MGMT: variants seen among roughly 807,000 people sequenced by gnomAD.
MGMT encodes O-6-methylguanine-DNA methyltransferase.
A neutral mutation model predicts 15.9 loss-of-function variants in MGMT; 14 were observed. The observed-to-expected ratio is 0.88, with a 90% CI of 0.58 to 1.37. The LOEUF (loss-of-function observed/expected upper bound fraction) is 1.37, where lower values mean the gene tolerates loss of function less well. MGMT is among the 40% of genes most tolerant of loss of function. The probability of loss-of-function intolerance (pLI) is 0.00; values close to 1 mark genes in which losing one functional copy is unlikely to be tolerated. For synonymous variants in MGMT, 130 were observed against 118.2 expected, an observed-to-expected ratio of 1.10 and a Z score of -0.65; for missense variants, 282 against 268.1, an observed-to-expected ratio of 1.05 and a Z score of -0.36.
At chr10:129,682,134 C>T (rs942211101) in intron 2 of MGMT, among the ~76,000 whole-genome samples, 1 of 152,098 alleles carries the variant, frequency 6.6e-6, no homozygotes. Flanking sequence ...GGAAGTTGTA[C>T]TTCTGCTCTT....
chr10:129,597,658 G>A (rs1564863921), intron 2 of MGMT, among the ~76,000 whole-genome samples: 1 of 152,140 alleles, frequency 6.6e-6, no homozygotes, highest in East Asian at 1.9e-4. Context: ...AACAGCCATG[G>A]GCTAGATCTT....
At chr10:129,520,195 G>A (rs1420326480) in intron 1 of MGMT, among the ~76,000 whole-genome samples, 1 of 152,106 alleles carries the variant, frequency 6.6e-6, no homozygotes, top group Non-Finnish European at 1.5e-5. Flanking sequence ...GATCAGGATG[G>A]CAAATGTTTC....
At chr10:129,528,643 T>C (rs2027136) in intron 1 of MGMT, among the ~76,000 whole-genome samples, 37,459 of 151,610 alleles carry the variant, frequency 0.25, 5,534 homozygotes, top group African/African-American at 0.42. Context: ...GTGTGGAGAC[T>C]AGCCATGGAG....
intron 2 of MGMT, among the ~76,000 whole-genome samples, chr10:129,602,209 T>C (rs972135279): frequency 2.0e-5 from 3 of 151,386 alleles, no homozygotes; most frequent in African/African-American, 7.3e-5. Flanking sequence ...TTTTTATTGC[T>C]TTTTTTTTAA....
At chr10:129,626,363 C>A (rs370677003) in intron 2 of MGMT, among the ~76,000 whole-genome samples, 1 of 152,160 alleles carries the variant, frequency 6.6e-6, no homozygotes, top group Non-Finnish European at 1.5e-5. Context: ...GAACACCACC[C>A]GTGTGAACAG....
chr10:129,643,024 T>A lies in MGMT; in HGVS notation c.126-64871T>A, dbSNP rs146992618. 5.7e-4 allele frequency among the ~76,000 whole-genome samples: 87 copies of A among 152,178 alleles called. 1 individual carries two copies. The East Asian group carries it at 0.014, about 24-fold the overall frequency. On this transcript the variant is annotated intron_variant, in intron 2 of 4. Transcript: ENST00000651593. ...GTAGAGAAGGCTGGGCGAGCGAATG[T>A]GTAGTGGTTTCTGCGGCTCCATTGT...
intron 4 of MGMT, among the ~76,000 whole-genome samples, chr10:129,763,297 G>A (rs949199491): frequency 8.5e-5 from 13 of 152,198 alleles, no homozygotes; most frequent in East Asian, 1.9e-4. Context: ...ATGTCCTTAG[G>A]GCCCCAATAA....
chr10:129,592,386 G>A (rs192554605), intron 2 of MGMT, among the ~76,000 whole-genome samples: 1 of 152,244 alleles, frequency 6.6e-6, no homozygotes, highest in Non-Finnish European at 1.5e-5. Context: ...GCATTAACTA[G>A]TGTGAATTTC....
chr10:129,630,218 T>C (rs1847194783), intron 2 of MGMT, among the ~76,000 whole-genome samples: 1 of 152,232 alleles, frequency 6.6e-6, no homozygotes, highest in African/African-American at 2.4e-5. Flanking sequence ...TACCCGGTGC[T>C]GGTGTTGTCC....
chr10:129,582,332 AG>A (rs1339600596), intron 2 of MGMT, among the ~76,000 whole-genome samples: 21 of 152,328 alleles, frequency 1.4e-4, no homozygotes, highest in Admixed American at 1.4e-3. Flanking sequence ...GAATTAGTTC[AG>A]AGAGTCCCTC....
intron 1 of MGMT, among the ~76,000 whole-genome samples, chr10:129,527,304 C>G (rs549124566): frequency 1.3e-5 from 2 of 152,280 alleles, no homozygotes; most frequent in South Asian, 2.1e-4. Flanking sequence ...TTGGAGCCCC[C>G]CTTAGGACCG....
At chr10:129,505,732 A>G (rs994246837) in intron 1 of MGMT, among the ~76,000 whole-genome samples, 8 of 152,224 alleles carry the variant, frequency 5.3e-5, no homozygotes, top group East Asian at 1.9e-4. Flanking sequence ...TTCAAAGGAA[A>G]TTAAAGTTCA....
chr10:129,710,148 G>A (rs1451676317), intron 3 of MGMT, among the ~76,000 whole-genome samples: 1 of 152,150 alleles, frequency 6.6e-6, no homozygotes, highest in Admixed American at 6.5e-5. Context: ...GCTGCTTCCT[G>A]GGCTGGCAGG....
At chr10:129,485,111 G>A (rs1845395309) in intron 1 of MGMT, among the ~76,000 whole-genome samples, 1 of 152,140 alleles carries the variant, frequency 6.6e-6, no homozygotes, top group Non-Finnish European at 1.5e-5. Flanking sequence ...TCTGTGATCA[G>A]GAATTATTTG....
intron 3 of MGMT, among the ~76,000 whole-genome samples, chr10:129,720,282 C>G (rs532060561): frequency 6.6e-6 from 1 of 152,374 alleles, no homozygotes; most frequent in South Asian, 2.1e-4. Context: ...GGGACTCCTG[C>G]ACTCTGGGAT....
At chr10:129,525,218 C>T (rs975047775) in intron 1 of MGMT, among the ~76,000 whole-genome samples, 1 of 152,116 alleles carries the variant, frequency 6.6e-6, no homozygotes, top group African/African-American at 2.4e-5. Context: ...TTCAGAACAG[C>T]GTTTATCTTC....
Position 129,556,849 on chromosome 10 carries a change from G to A in MGMT, c.125+20472G>A, listed in dbSNP as rs910397394. On this transcript the variant is annotated intron_variant, in intron 2 of 4. Transcript: ENST00000651593. This position sits in a 1 kb window ranked among gnomAD's most constrained non-coding sequence, Gnocchi z 4.3. ...TTTCACAACTTGTTTCTGTTCTGTCGTAGGGCTAGTGAGACCAGCTTTCCC... is the reference window on the plus strand; with the variant it reads ...TTTCACAACTTGTTTCTGTTCTGTCATAGGGCTAGTGAGACCAGCTTTCCC... Among the ~76,000 whole-genome samples the A allele has an allele frequency of 7.2e-5, 11 of 152,146 alleles. No individual in the cohort carries two copies. The highest frequency in any genetic ancestry group is 1.9e-4 in the African/African-American group (8 of 41,432).
intron 2 of MGMT, among the ~76,000 whole-genome samples, chr10:129,668,000 A>G (rs1226381784): frequency 1.3e-5 from 2 of 152,186 alleles, no homozygotes; most frequent in Non-Finnish European, 2.9e-5. Context: ...CTGGCCATAT[A>G]TGTTGAAAGT....
intron 2 of MGMT, among the ~76,000 whole-genome samples, chr10:129,672,148 T>C (rs1423974055): frequency 6.6e-6 from 1 of 152,222 alleles, no homozygotes; most frequent in Non-Finnish European, 1.5e-5. Context: ...TTAGAAAATG[T>C]CTTAATTGTA....
Sources: allele counts gnomAD v4.1 joint callset (sites outside exome capture counted in the v4.1 genomes callset), GRCh38; gene constraint gnomAD v4.1.1; non-coding constraint Gnocchi (gnomAD v3.1); transcripts MANE v1.5; gene names NCBI Gene and HGNC (gene_info 2026-07-23, HGNC 2026-07-21).